The following UNC93A variants were observed in gnomAD, a reference collection of about 807,000 sequenced individuals.
UNC93A encodes the protein unc-93 homolog A.
UNC93A carries 43 observed loss-of-function variants against 47.5 expected under a neutral mutation model. The observed-to-expected ratio is 0.91, with a 90% CI of 0.71 to 1.17. The LOEUF (loss-of-function observed/expected upper bound fraction) is 1.17, where lower values mean the gene tolerates loss of function less well. Among genes scored for constraint, UNC93A ranks in the 50% most tolerant of loss-of-function variants. The pLI, the probability that UNC93A is intolerant of heterozygous loss-of-function variation, is 0.00. For synonymous variants in UNC93A, 280 were observed against 258.0 expected, an observed-to-expected ratio of 1.09 and a Z score of -0.82; for missense variants, 605 against 577.6, an observed-to-expected ratio of 1.05 and a Z score of -0.49.
In UNC93A at chr6:167,307,480, G is replaced by A. The variant is rs147635894; in HGVS notation, c.977-299G>A. ...ACGGTTCCAGAGGACGGTTGAGATG[G>A]TTCCAGAGGATGGTTGAGATGGTTG... On this transcript the variant is annotated intron_variant, in intron 6 of 7. Transcript: ENST00000230256. 3.0e-3 allele frequency among the ~76,000 whole-genome samples: 463 copies of A among 152,252 alleles called. 10 individuals carry two copies. The highest frequency in any genetic ancestry group is 0.016 in the East Asian group (84 of 5,170).
At chr6:167,278,341 G>A (rs542972397) in intron 1 of UNC93A, among the ~76,000 whole-genome samples, 9 of 152,274 alleles carry the variant, frequency 5.9e-5, no homozygotes, top group South Asian at 4.2e-4. Flanking sequence ...AGGCCAACTC[G>A]GGTGTCCCCA....
At chr6:167,272,612 G>C (rs957706718) in intron 1 of UNC93A, among the ~76,000 whole-genome samples, 4 of 152,190 alleles carry the variant, frequency 2.6e-5, no homozygotes, top group African/African-American at 9.7e-5. Context: ...AAGTACATTG[G>C]TTTGGTCCAG....
At chr6:167,276,676 C>T (rs571780147) in intron 1 of UNC93A, among the ~76,000 whole-genome samples, 6 of 152,150 alleles carry the variant, frequency 3.9e-5, no homozygotes, top group Non-Finnish European at 8.8e-5. Flanking sequence ...GGATCCAAGG[C>T]ATGGTTTATT....
intron 3 of UNC93A, 64 bp downstream of exon 3, chr6:167,296,325 G>C: frequency 1.3e-6 from 2 of 1,553,122 alleles, no homozygotes; most frequent in Non-Finnish European, 1.8e-6. Context: ...ATGGGGGAGA[G>C]GGTTCCTGAT....
chr6:167,274,178 G>T (rs1452753390), intron 1 of UNC93A, among the ~76,000 whole-genome samples: 3 of 152,172 alleles, frequency 2.0e-5, no homozygotes, highest in African/African-American at 7.2e-5. Flanking sequence ...AGTTACACAG[G>T]GTTAGTAAGA....
Position 167,277,198 on chromosome 6 carries a change from G to A in UNC93A, c.-52+5740G>A, listed in dbSNP as rs546620042. Among the ~76,000 whole-genome samples, 3 of 152,330 alleles carry A rather than the reference G, an allele frequency of 2.0e-5. No homozygotes were observed. The South Asian group carries it at 6.2e-4, about 32-fold the overall frequency. On this transcript the variant is annotated intron_variant, in intron 1 of 3. Coordinates refer to the UNC93A transcript ENST00000503433. ...ACCAGTGACATGGAGTCTGGCCAAG[G>A]AGCCATCTTCACCCTGAGAACTGCG...
At chr6:167,304,715 C>T (rs60853266) in intron 5 of UNC93A, among the ~76,000 whole-genome samples, 2,695 of 152,216 alleles carry the variant, frequency 0.018, 88 homozygotes, top group African/African-American at 0.058. Context: ...GGATTACAGG[C>T]GTGTGCCACC....
At position 167,304,102 on chromosome 6, in the gene UNC93A, A is replaced by T; in HGVS notation, c.809A>T (p.Gln270Leu). The change falls in exon 5 of 8, where the codon CAG becomes CTG. Residue 270 changes from glutamine (Q) to leucine (L), a missense_variant. Coordinates refer to ENST00000230256, the MANE Select transcript of UNC93A (RefSeq NM_018974.4). ...LILLPLYSGL[Q>L]QGFLSSEYTR... Reference sequence around the variant, plus strand: ...CTGCTGCCGCTGTACAGTGGATTGCAGCAAGGATTCCTCTCCAGCGAATAC... The same window carrying T: ...CTGCTGCCGCTGTACAGTGGATTGCTGCAAGGATTCCTCTCCAGCGAATAC... The T allele has an allele frequency of 1.2e-6, 2 of 1,614,202 alleles. No homozygotes were observed. Among genetic ancestry groups the T allele is most frequent in the Non-Finnish European group, 1.7e-6 (2 of 1,180,046 alleles).
chr6:167,286,309 C>G (rs562990784), intron 1 of UNC93A, among the ~76,000 whole-genome samples: 1 of 148,250 alleles, frequency 6.7e-6, no homozygotes, highest in Admixed American at 6.7e-5. Flanking sequence ...GAGACCCACA[C>G]TGCACATACA....
intron 6 of UNC93A, among the ~76,000 whole-genome samples, chr6:167,306,446 T>TA (rs1273278400): frequency 6.6e-6 from 1 of 152,178 alleles, no homozygotes; most frequent in Non-Finnish European, 1.5e-5. Context: ...TCCACATCTA[T>TA]TCACACAGTG....
intron 1 of UNC93A, among the ~76,000 whole-genome samples, chr6:167,279,626 C>T (rs900744640): frequency 1.3e-5 from 2 of 152,036 alleles, no homozygotes; most frequent in Admixed American, 6.5e-5. Context: ...AATGGGCTTC[C>T]GGGAATCAGA....
Position 167,291,555 on chromosome 6 carries a change from T to C in UNC93A, c.66T>C (p.Tyr22=), listed in dbSNP as rs1399861550. 6.2e-7 allele frequency: 1 copy of C among 1,613,560 alleles called. No homozygotes were observed. Among genetic ancestry groups the C allele is most frequent in the Admixed American group, 1.7e-5 (1 of 59,952 alleles). Residue 22 remains tyrosine (Y), a synonymous_variant, in exon 1 of 8, where the codon TAT becomes TAC. Coordinates refer to ENST00000230256, the MANE Select transcript of UNC93A (RefSeq NM_018974.4). ...SFGFLLLFTA[Y]GGLQSLQSSL... ...GGTTCCTGCTTCTCTTTACAGCCTA[T>C]GGAGGTCTGCAGAGCCTGCAGGTAT...
At chr6:167,292,632 C>A (rs1050711001) in intron 1 of UNC93A, among the ~76,000 whole-genome samples, 1 of 152,190 alleles carries the variant, frequency 6.6e-6, no homozygotes, top group Non-Finnish European at 1.5e-5. Context: ...TGGAAGGGAA[C>A]ACAGTCTCTT....
At chr6:167,278,232 C>A (rs2115078515) in intron 1 of UNC93A, among the ~76,000 whole-genome samples, 1 of 152,336 alleles carries the variant, frequency 6.6e-6, no homozygotes, top group Admixed American at 6.5e-5. Flanking sequence ...GGGCGGGAAG[C>A]AAGCCCAGGG....
chr6:167,270,609 G>A (rs996151404), upstream of UNC93A, among the ~76,000 whole-genome samples: 4 of 152,124 alleles, frequency 2.6e-5, no homozygotes, highest in African/African-American at 9.7e-5. Flanking sequence ...GCCTGTGAAC[G>A]AGCCCTCACT....
chr6:167,309,151 C>T (rs1479018029), intron 7 of UNC93A, among the ~76,000 whole-genome samples: 2 of 152,098 alleles, frequency 1.3e-5, no homozygotes, highest in South Asian at 2.1e-4. Context: ...ACTTGAACTC[C>T]GGAGGCAGAG....
At chr6:167,285,801 C>G (rs1562344179) in intron 1 of UNC93A, among the ~76,000 whole-genome samples, 4 of 151,518 alleles carry the variant, frequency 2.6e-5, no homozygotes. Context: ...GTGTAGTTTT[C>G]TTTAAAAATT....
rs561033405 is a variant in UNC93A, at chr6:167,272,291, C to T, written c.-52+833C>T. On this transcript the variant is annotated intron_variant, in intron 1 of 3. Transcript: ENST00000503433. ...TGGAGAGGCCAGGAGCAGTGGCAGACGTGCAGGTGGCACAAATCTCTGCTC... is the reference window on the plus strand; with the variant it reads ...TGGAGAGGCCAGGAGCAGTGGCAGATGTGCAGGTGGCACAAATCTCTGCTC... Among the ~76,000 whole-genome samples, 11 of 152,312 alleles carry T rather than the reference C, an allele frequency of 7.2e-5. No individual in the cohort carries two copies. In the South Asian group the frequency reaches 1.5e-3, roughly 20 times the overall value.
chr6:167,286,841 G>A (rs6456169), upstream of UNC93A, among the ~76,000 whole-genome samples: 2,913 of 151,960 alleles, frequency 0.019, 93 homozygotes, highest in African/African-American at 0.061. Flanking sequence ...AGCTGGGTGT[G>A]GTGGCGGGTG....
Sources: gnomAD v4.1 joint callset for allele counts (sites outside exome capture counted in the v4.1 genomes callset) on GRCh38, gnomAD v4.1.1 for gene constraint, MANE v1.5 for transcripts, NCBI Gene and HGNC (gene_info 2026-07-23, HGNC 2026-07-21) for gene names.